RHOF: variants seen among roughly 807,000 people sequenced by gnomAD.
The protein encoded by RHOF is ras homolog family member F, filopodia associated.
A neutral mutation model predicts 22.2 loss-of-function variants in RHOF; 21 were observed. The observed-to-expected ratio is 0.95, with a 90% CI of 0.67 to 1.36. The LOEUF (loss-of-function observed/expected upper bound fraction) is 1.36, where lower values mean the gene tolerates loss of function less well. Ranked by LOEUF, RHOF falls within the 40% of genes most tolerant of loss-of-function variation. The pLI, the probability that RHOF is intolerant of heterozygous loss-of-function variation, is 0.00. For synonymous variants in RHOF, 135 were observed against 131.2 expected (o/e 1.03, Z -0.20); for missense variants, 285 against 293.7 (o/e 0.97, Z 0.22).
intron 2 of RHOF, among the ~76,000 whole-genome samples, chr12:121,789,964 C>T (rs1874721191): frequency 6.6e-6 from 1 of 152,248 alleles, no homozygotes; most frequent in South Asian, 2.1e-4. Context: ...CCCCGCCTCC[C>T]CCGGCCCAGG....
Position 121,793,626 on chromosome 12 carries a change from GC to G in RHOF, c.7del (p.Ala3ProfsTer18). 1 of 1,541,154 alleles carries G rather than the reference GC, an allele frequency of 6.5e-7. No individual in the cohort carries two copies. The highest frequency in any genetic ancestry group is 8.7e-7 in the Non-Finnish European group (1 of 1,149,694). MD[A>X]PGALAQTAAP... ...GGCGGTCTGGGCCAGGGCCCCGGGGGCATCCATTGCCCGGAGCCCGCAGCAC... is the reference window on the plus strand; with the variant it reads ...GGCGGTCTGGGCCAGGGCCCCGGGGGATCCATTGCCCGGAGCCCGCAGCAC... On this transcript the variant is annotated frameshift_variant, in exon 1 of 5. Coordinates refer to ENST00000267205, the MANE Select transcript of RHOF (RefSeq NM_019034.3). LOFTEE classifies it high-confidence loss of function.
At chr12:121,782,776 G>T (rs1246866382) in intron 2 of RHOF, 1 of 152,220 alleles carries the variant, frequency 6.6e-6, no homozygotes, top group Non-Finnish European at 1.5e-5. Flanking sequence ...TGAGACACAT[G>T]TTCAAATCCC....
chr12:121,793,120 C>G, intron 2 of RHOF, 32 bp downstream of exon 2: 8 of 1,540,648 alleles, frequency 5.2e-6, no homozygotes, highest in Non-Finnish European at 7.0e-6. Flanking sequence ...GCGGGCGGAC[C>G]CTCGGGCCCC....
chr12:121,785,704 G>A (rs1320858279), intron 2 of RHOF, among the ~76,000 whole-genome samples: 3 of 152,076 alleles, frequency 2.0e-5, no homozygotes, highest in East Asian at 1.9e-4. Context: ...TCCGCCTCCC[G>A]GGTTCAAGCG....
At chr12:121,780,584 G>A (rs578174751) in intron 4 of RHOF, 7 of 517,338 alleles carry the variant, frequency 1.4e-5, no homozygotes, top group South Asian at 6.5e-5. Context: ...TCCACTTCTC[G>A]CTAGCTGTGT....
intron 2 of RHOF, 75 bp downstream of exon 2, chr12:121,793,077 A>G (rs1222583341): frequency 7.8e-7 from 1 of 1,279,862 alleles, no homozygotes; most frequent in Non-Finnish European, 1.1e-6. Context: ...GGGGACACCC[A>G]GTGGGGGACG....
intron 2 of RHOF, among the ~76,000 whole-genome samples, chr12:121,789,143 T>C (rs576923332): frequency 1.7e-4 from 26 of 152,052 alleles, no homozygotes; most frequent in African/African-American, 5.8e-4. Context: ...CATGGGAGGA[T>C]CACTTGAGCC....
In RHOF at chr12:121,787,133, A is replaced by G. The variant is rs1306834241; in HGVS notation, c.227-5941T>C. ...GGCAGGAACCACCTCTGTGCTGTTC[A>G]CTGTTGGGTCCCTGGGAACACAGGC... is the stretch of plus-strand genomic sequence containing the variant. On this transcript the variant is annotated intron_variant, in intron 2 of 4. Coordinates refer to ENST00000267205, the MANE Select transcript of RHOF (RefSeq NM_019034.3). Among the ~76,000 whole-genome samples the G allele has an allele frequency of 3.9e-5, 6 of 152,172 alleles. No homozygotes were observed. In the South Asian group the frequency reaches 1.0e-3, roughly 26 times the overall value.
At chr12:121,786,959 AC>A (rs781729996) in intron 2 of RHOF, among the ~76,000 whole-genome samples, 2 of 151,858 alleles carry the variant, frequency 1.3e-5, no homozygotes, top group African/African-American at 2.4e-5. Flanking sequence ...AATTGCTTGA[AC>A]CCAGGAGGCT....
rs1042266983 is a variant in RHOF, at chr12:121,793,225, C to T, written c.153G>A (p.Ser51=). 13 of 1,550,956 alleles carry T rather than the reference C, an allele frequency of 8.4e-6. No homozygotes were observed. Among genetic ancestry groups the T allele is most frequent in the Non-Finnish European group, 1.1e-5 (13 of 1,146,860 alleles). ...QGSFPEHYAP[S]VFEKYTASVT... ...CGCTGGCCGTGTACTTCTCGAACAC[C>T]GATGGGGCGTAGTGCTGCGGGAGAG... is the stretch of plus-strand genomic sequence containing the variant. Residue 51 remains serine (S), a synonymous_variant, in exon 2 of 5, where the codon TCG becomes TCA. Transcript: ENST00000267205.
At chr12:121,786,354 CAAGG>C (rs1295981697) in intron 2 of RHOF, among the ~76,000 whole-genome samples, 1 of 152,188 alleles carries the variant, frequency 6.6e-6, no homozygotes, top group Non-Finnish European at 1.5e-5. Context: ...CCATGTCAGC[CAAGG>C]TTGTTCCACT....
At chr12:121,783,318 C>A (rs989315705) in intron 2 of RHOF, among the ~76,000 whole-genome samples, 3 of 137,940 alleles carry the variant, frequency 2.2e-5, no homozygotes, top group Non-Finnish European at 4.7e-5. Context: ...TCCCTATTGC[C>A]CCCCCCCCCA....
At chr12:121,789,985 C>T (rs942719673) in intron 2 of RHOF, among the ~76,000 whole-genome samples, 1 of 152,236 alleles carries the variant, frequency 6.6e-6, no homozygotes, top group Non-Finnish European at 1.5e-5. Flanking sequence ...AAACTTCAGA[C>T]TTCACCGCAG....
At chr12:121,779,710 T>A in intron 4 of RHOF, 48 bp from the exon 5 acceptor site, 1 of 1,601,086 alleles carries the variant, frequency 6.2e-7, no homozygotes, top group Non-Finnish European at 8.5e-7. Context: ...CCTGGAGGTC[T>A]CCTAGCACCA....
intron 2 of RHOF, chr12:121,782,348 G>GCCAGC (rs1330305527): frequency 6.6e-6 from 1 of 152,134 alleles, no homozygotes; most frequent in Non-Finnish European, 1.5e-5. Flanking sequence ...CCGTTGAGGA[G>GCCAGC]CCAGCCCAGC....
chr12:121,782,116 CTT>C (rs988927938), intron 2 of RHOF: 3 of 152,188 alleles, frequency 2.0e-5, no homozygotes, highest in African/African-American at 4.8e-5. Context: ...GCCCCTCTGA[CTT>C]TATCTGGAGA....
At position 121,781,199 on chromosome 12, in the gene RHOF, G is replaced by T; in HGVS notation, c.227-7C>A. On this transcript the variant is annotated splice_polypyrimidine_tract_variant and splice_region_variant and intron_variant, in intron 2 of 4. Coordinates refer to ENST00000267205, the MANE Select transcript of RHOF (RefSeq NM_019034.3). The stretch of plus-strand genomic sequence containing the variant: ...CGGTCATAGTCTTCTTGCCCTGAAA[G>T]CACAGAGCAGCGGGGGTCAGGGGAC... 6.2e-7 allele frequency: 1 copy of T among 1,613,038 alleles called. No homozygotes were observed. The highest frequency in any genetic ancestry group is 8.5e-7 in the Non-Finnish European group (1 of 1,179,024).
intron 2 of RHOF, among the ~76,000 whole-genome samples, chr12:121,784,735 G>C (rs1874561758): frequency 6.6e-6 from 1 of 152,108 alleles, no homozygotes; most frequent in Admixed American, 6.6e-5. Context: ...TGTTCCTTCT[G>C]CTGATACACA....
intron 2 of RHOF, chr12:121,781,496 G>GC (rs1303446601): frequency 1.5e-5 from 5 of 339,896 alleles, no homozygotes; most frequent in East Asian, 1.4e-4. Flanking sequence ...ATGAGCGGCA[G>GC]CCCCCCAGTC....
Sources: allele counts gnomAD v4.1 joint callset (sites outside exome capture counted in the v4.1 genomes callset), GRCh38; gene constraint gnomAD v4.1.1; transcripts MANE v1.5; gene names NCBI Gene and HGNC (gene_info 2026-07-23, HGNC 2026-07-21).